ZFYVE27: variants seen among roughly 807,000 people sequenced by gnomAD.
ZFYVE27 encodes protrudin.
In ZFYVE27, 36 loss-of-function variants were observed where a neutral mutation model predicts 52.8. The ratio of observed to expected loss-of-function variants is 0.68; its 90% CI spans 0.52 to 0.90. The LOEUF is 0.90. Ranked by LOEUF, ZFYVE27 falls within the 40% of genes least tolerant of loss-of-function variation. The pLI is 0.00. For synonymous variants in ZFYVE27, 223 were observed against 215.6 expected, an observed-to-expected ratio of 1.03 and a Z score of -0.30; for missense variants, 450 against 527.2, an observed-to-expected ratio of 0.85 and a Z score of 1.43.
In ZFYVE27 at chr10:97,749,651, A is replaced by C. The variant is rs1369765580; in HGVS notation, c.664+65A>C. 3.9e-6 allele frequency: 5 copies of C among 1,294,678 alleles called. No individual in the cohort carries two copies. The East Asian group carries it at 1.2e-4, about 30-fold the overall frequency. 80.2% of individuals were successfully genotyped at this position (1,294,678 alleles called of 1,614,324 possible). A position where few individuals can be genotyped will look rare whatever the true frequency, so the allele number is the denominator to read the frequency against. On this transcript the variant is annotated intron_variant, in intron 6 of 12. Transcript: ENST00000684270. ...CTCTGAGGGCTAGGCTAGGCTCCCCAGTTCTTCTGTCTCTACAGCTAATCA... is the reference window on the plus strand; with the variant it reads ...CTCTGAGGGCTAGGCTAGGCTCCCCCGTTCTTCTGTCTCTACAGCTAATCA...
rs181381926 is a variant in ZFYVE27 at position 97,749,448 on chromosome 10, T to A, written c.552-26T>A. 7.6e-6 allele frequency: 12 copies of A among 1,583,762 alleles called. No homozygotes were observed. The Admixed American group carries it at 1.0e-4, about 13-fold the overall frequency. On this transcript the variant is annotated intron_variant, in intron 5 of 12. Coordinates refer to ENST00000684270, the MANE Select transcript of ZFYVE27 (RefSeq NM_001385875.1). ...TCCTTCTGCTGTTACGAATTTCTGA[T>A]CTTGTGGTTCTTCCCTGTCATCCAG...
At chr10:97,754,676 GTT>G in intron 10 of ZFYVE27, 3 of 1,289,222 alleles carry the variant, frequency 2.3e-6, no homozygotes, top group Non-Finnish European at 2.0e-6. Context: ...TCAGTGATCT[GTT>G]TACCCTCCAT....
rs765561964 is a variant in ZFYVE27 at position 97,759,227 on chromosome 10, C to G, written c.1172-9C>G. 3 of 1,614,150 alleles carry G rather than the reference C, an allele frequency of 1.9e-6. No individual in the cohort carries two copies. In the East Asian group the frequency reaches 6.7e-5, roughly 36 times the overall value. The stretch of plus-strand genomic sequence containing the variant: ...GGAAATGTCTCACCAAGTTCTTCCT[C>G]CTTTTCAGCCCCTGAAGCCCAGAGG... On this transcript the variant is annotated splice_polypyrimidine_tract_variant and intron_variant, in intron 12 of 12. Transcript: ENST00000684270.
intron 10 of ZFYVE27, among the ~76,000 whole-genome samples, chr10:97,755,018 C>T (rs1314243282): frequency 6.6e-6 from 1 of 152,192 alleles, no homozygotes; most frequent in African/African-American, 2.4e-5. Flanking sequence ...TCTCTGTTTT[C>T]CCTTTGCCCT....
At chr10:97,738,855 C>T (rs534110515) in intron 2 of ZFYVE27, 181 bp downstream of exon 2, 35 of 659,382 alleles carry the variant, frequency 5.3e-5, no homozygotes, top group South Asian at 2.5e-4. Flanking sequence ...CAGGCCCAGC[C>T]CAGGAGAGGC....
intron 8 of ZFYVE27, among the ~76,000 whole-genome samples, chr10:97,752,649 CTG>C (rs1019785687): frequency 3.1e-4 from 47 of 152,262 alleles, no homozygotes; most frequent in African/African-American, 1.1e-3. Context: ...GTTTGAGAAA[CTG>C]TAGTACCTAG....
intron 6 of ZFYVE27, 126 bp from the exon 7 acceptor site, chr10:97,750,205 A>G: frequency 1.6e-6 from 2 of 1,217,504 alleles, no homozygotes; most frequent in South Asian, 1.2e-5. Context: ...GCTCAGAGTT[A>G]GGAGGGTGAC....
At chr10:97,748,217 C>T (rs1413938524) in intron 4 of ZFYVE27, 52 bp from the exon 5 acceptor site, 1 of 1,570,184 alleles carries the variant, frequency 6.4e-7, no homozygotes, top group Non-Finnish European at 8.7e-7. Context: ...CCCCAGGCTC[C>T]ACTTCCCAGG....
rs762710866 is a variant in ZFYVE27 at position 97,743,081 on chromosome 10, C to T, written c.198-13C>T. Reference sequence around the variant, plus strand: ...GTGACTCTCTGTAGTGATCAGGACTCTCTGTATTGTAGGTGGCAGATGCCT... The same window carrying T: ...GTGACTCTCTGTAGTGATCAGGACTTTCTGTATTGTAGGTGGCAGATGCCT... On this transcript the variant is annotated splice_polypyrimidine_tract_variant and intron_variant, in intron 2 of 12. Transcript: ENST00000684270. 2.7e-5 allele frequency: 44 copies of T among 1,614,166 alleles called. No homozygotes were observed. The highest frequency in any genetic ancestry group is 1.3e-4 in the Admixed American group (8 of 60,028).
At chr10:97,751,252 T>C in intron 7 of ZFYVE27, 139 bp from the exon 8 acceptor site, 1 of 950,540 alleles carries the variant, frequency 1.1e-6, no homozygotes, top group South Asian at 1.3e-5. Flanking sequence ...TGCTCCTTCC[T>C]GTGAGTTCCT....
chr10:97,749,390 T>A, intron 5 of ZFYVE27, 84 bp from the exon 6 acceptor site: 3 of 987,300 alleles, frequency 3.0e-6, no homozygotes, highest in Non-Finnish European at 4.9e-6. Context: ...GTGTCTCACC[T>A]GGACCCTGCT....
intron 7 of ZFYVE27, among the ~76,000 whole-genome samples, chr10:97,750,749 C>CTT (rs987367899): frequency 6.9e-6 from 1 of 145,474 alleles, no homozygotes; most frequent in Non-Finnish European, 1.5e-5. Context: ...TTTTTTTTTC[C>CTT]TTTTTTTTTG....
At chr10:97,741,521 AC>A (rs2043630053) in intron 2 of ZFYVE27, among the ~76,000 whole-genome samples, 1 of 152,140 alleles carries the variant, frequency 6.6e-6, no homozygotes, top group African/African-American at 2.4e-5. Flanking sequence ...GGAACAGAAA[AC>A]CAAACACCAC....
intron 4 of ZFYVE27, among the ~76,000 whole-genome samples, chr10:97,745,551 C>T (rs1367968016): frequency 6.6e-6 from 1 of 152,188 alleles, no homozygotes; most frequent in African/African-American, 2.4e-5. Flanking sequence ...TGCCTGGGTT[C>T]AAATCCCAGC....
intron 10 of ZFYVE27, among the ~76,000 whole-genome samples, chr10:97,753,764 G>A (rs868825079): frequency 3.3e-5 from 5 of 152,294 alleles, no homozygotes; most frequent in Non-Finnish European, 7.4e-5. Context: ...CCTGACCCAC[G>A]CTGTGGGTTC....
chr10:97,740,051 G>A (rs1480847057), intron 2 of ZFYVE27, among the ~76,000 whole-genome samples: 1 of 152,132 alleles, frequency 6.6e-6, no homozygotes, highest in Admixed American at 6.5e-5. Flanking sequence ...AAAATTATGT[G>A]TCTGCACATG....
At chr10:97,749,838 G>C (rs895804088) in intron 6 of ZFYVE27, among the ~76,000 whole-genome samples, 13 of 152,182 alleles carry the variant, frequency 8.5e-5, no homozygotes, top group Admixed American at 8.5e-4. Context: ...ATGAATCACT[G>C]CTTATATGAT....
intron 4 of ZFYVE27, among the ~76,000 whole-genome samples, chr10:97,747,839 A>T (rs1281712960): frequency 3.9e-5 from 6 of 152,122 alleles, no homozygotes; most frequent in Admixed American, 1.3e-4. Context: ...ATCCATGTTT[A>T]AAAAAACAAC....
chr10:97,750,439 T>C lies in ZFYVE27; in HGVS notation c.773T>C (p.Met258Thr). Reference protein sequence around the residue: ...PPDVGGKDGLMDSTPALTPTE... With the variant: ...PPDVGGKDGLTDSTPALTPTE... ...GATGTTGGGGGGAAGGATGGTCTGA[T>C]GGACAGCACGCCTGCCCTCACACCC... Residue 258 changes from methionine to threonine, a missense_variant, in exon 7 of 13, where the codon ATG becomes ACG. Physicochemically the swap from Met to Thr is moderately conservative, Grantham distance 81. Transcript: ENST00000684270. The C allele has an allele frequency of 2.5e-6, 4 of 1,614,172 alleles. No homozygotes were observed. Among genetic ancestry groups the C allele is most frequent in the Non-Finnish European group, 2.5e-6 (3 of 1,180,024 alleles).
Sources: gnomAD v4.1 joint callset for allele counts (sites outside exome capture counted in the v4.1 genomes callset) on GRCh38, gnomAD v4.1.1 for gene constraint, MANE v1.5 for transcripts, NCBI Gene and HGNC (gene_info 2026-07-23, HGNC 2026-07-21) for gene names.